EML5: variants seen among roughly 807,000 people sequenced by gnomAD.
The protein encoded by EML5 is echinoderm microtubule-associated protein-like 5.
Under a neutral mutation model 250.0 loss-of-function variants are expected in EML5, and 120 were observed. The observed-to-expected ratio is 0.48, with a 90% confidence interval of 0.41 to 0.56. The LOEUF is 0.56. EML5 is among the 20% of genes least tolerant of loss of function. The probability of loss-of-function intolerance (pLI) is 0.00; values close to 1 mark genes in which losing one functional copy is unlikely to be tolerated. For missense variants in EML5, 2,006 were observed against 2,437.6 expected (o/e 0.82, Z 3.73); for synonymous variants, 771 against 806.5 (o/e 0.96, Z 0.75).
chr14:88,658,190 C>A lies in EML5; in HGVS notation c.3874G>T (p.Gly1292Trp). 1 of 1,613,612 alleles carries A rather than the reference C, an allele frequency of 6.2e-7. No individual in the cohort carries two copies. The highest frequency in any genetic ancestry group is 8.5e-7 in the Non-Finnish European group (1 of 1,179,704). The change falls in exon 26 of 44, where the codon GGG (glycine) becomes TGG (tryptophan). Residue 1292 changes from glycine to tryptophan, a missense_variant. Physicochemically the swap from Gly to Trp is radical, Grantham distance 184. Coordinates refer to ENST00000554922, the MANE Select transcript of EML5 (RefSeq NM_183387.3). ...EESDIDSEED[G>W]GYDSDVTREN... ...CAAGTATTATAAAATGACGTACCCCCATCTTCTTCAGAATCAATGTCGGAT... is the reference window on the plus strand; with the variant it reads ...CAAGTATTATAAAATGACGTACCCCAATCTTCTTCAGAATCAATGTCGGAT...
At chr14:88,735,733 T>G (rs2093829108) in intron 7 of EML5, among the ~76,000 whole-genome samples, 1 of 152,178 alleles carries the variant, frequency 6.6e-6, no homozygotes, top group Non-Finnish European at 1.5e-5. Context: ...CTGCAAGCCC[T>G]GTATTTCTAA....
chr14:88,675,575 G>C (rs2092575730), intron 21 of EML5, among the ~76,000 whole-genome samples: 1 of 152,156 alleles, frequency 6.6e-6, no homozygotes, highest in Non-Finnish European at 1.5e-5. Context: ...GTGATGGGAG[G>C]GGCTGCCGTG....
intron 4 of EML5, 63 bp downstream of exon 4, chr14:88,743,960 G>T: frequency 9.0e-7 from 1 of 1,110,712 alleles, no homozygotes; most frequent in Non-Finnish European, 1.3e-6. Flanking sequence ...TGTTAACAGT[G>T]CAATATATAC....
intron 27 of EML5, 88 bp from the exon 28 acceptor site, chr14:88,650,014 G>A: frequency 5.6e-6 from 5 of 885,890 alleles, no homozygotes; most frequent in South Asian, 6.3e-5. Flanking sequence ...ACAGAAGAAA[G>A]GCAACATGTC....
At chr14:88,783,528 A>G (rs1476135210) in intron 1 of EML5, among the ~76,000 whole-genome samples, 2 of 152,364 alleles carry the variant, frequency 1.3e-5, no homozygotes, top group South Asian at 2.1e-4. Context: ...AGCTATATTT[A>G]TACCAGAAAA....
rs1451882120 is a variant in EML5 at position 88,644,487 on chromosome 14, TG to T, written c.4052del (p.Pro1351HisfsTer11). 1 of 1,613,772 alleles carries T rather than the reference TG, an allele frequency of 6.2e-7. No homozygotes were observed. Among genetic ancestry groups the T allele is most frequent in the Non-Finnish European group, 8.5e-7 (1 of 1,179,794 alleles). On this transcript the variant is annotated frameshift_variant, in exon 30 of 44. Transcript: ENST00000554922. LOFTEE classifies it high-confidence loss of function. ...TGTTTGTCTGGAGTTTCTCTGGCTG[TG>T]GTGGGGCCCTGCTCACTGGAGGCCT... ...GSRPPVSRAP[P>X]QPEKLQTNNV...
chr14:88,634,581 A>C, intron 32 of EML5, 92 bp from the exon 33 acceptor site: 5 of 712,928 alleles, frequency 7.0e-6, no homozygotes, highest in Non-Finnish European at 1.1e-5. Context: ...AAACTATTAT[A>C]TACAAAATTG....
In EML5 at chr14:88,642,884, G is replaced by A. The variant is rs746479453; in HGVS notation, c.4237+9C>T. On this transcript the variant is annotated intron_variant, in intron 31 of 43. Transcript: ENST00000554922. ...ATTGATAGAGGGATGGAGAATCAGG[G>A]TTTCCTACCTGTAGCAACATTGTGC... is the stretch of plus-strand genomic sequence containing the variant. The A allele has an allele frequency of 2.5e-6, 4 of 1,595,958 alleles. No individual in the cohort carries two copies. In the Admixed American group the frequency reaches 7.2e-5, roughly 29 times the overall value.
intron 25 of EML5, among the ~76,000 whole-genome samples, chr14:88,660,449 A>G (rs1216019054): frequency 1.3e-5 from 2 of 152,138 alleles, no homozygotes; most frequent in Non-Finnish European, 2.9e-5. Flanking sequence ...GTAGAATGCC[A>G]AAGAATCTGT....
intron 10 of EML5, among the ~76,000 whole-genome samples, chr14:88,710,757 G>C (rs2093391652): frequency 1.3e-5 from 2 of 151,776 alleles, no homozygotes; most frequent in African/African-American, 4.8e-5. Context: ...CTAACAAATG[G>C]GAAACAAAAA....
intron 17 of EML5, among the ~76,000 whole-genome samples, chr14:88,690,837 G>A (rs1395860450): frequency 1.3e-5 from 2 of 152,198 alleles, no homozygotes; most frequent in African/African-American, 2.4e-5. Context: ...ACAAATGGAA[G>A]AACTGGCCTT....
chr14:88,780,332 AAC>A (rs760359249), intron 1 of EML5, among the ~76,000 whole-genome samples: 1 of 152,142 alleles, frequency 6.6e-6, no homozygotes, highest in Non-Finnish European at 1.5e-5. Context: ...TTGTATAGCA[AAC>A]AGACTTGAAA....
chr14:88,776,222 G>A (rs2094445970), intron 1 of EML5, among the ~76,000 whole-genome samples: 1 of 152,096 alleles, frequency 6.6e-6, no homozygotes, highest in South Asian at 2.1e-4. Flanking sequence ...ATATCTACTA[G>A]CATCAACACC....
chr14:88,672,853 C>A (rs1390814202), intron 21 of EML5, among the ~76,000 whole-genome samples: 1 of 152,082 alleles, frequency 6.6e-6, no homozygotes, highest in Non-Finnish European at 1.5e-5. Flanking sequence ...AGTTGAATCC[C>A]TGAATAGACC....
At chr14:88,624,912 G>A in intron 36 of EML5, 58 bp downstream of exon 36, 1 of 1,579,830 alleles carries the variant, frequency 6.3e-7, no homozygotes, top group Admixed American at 1.8e-5. Flanking sequence ...ATAATTAACT[G>A]CAAACCTCAG....
chr14:88,757,321 T>C (rs1183450070), intron 1 of EML5, among the ~76,000 whole-genome samples: 3 of 152,096 alleles, frequency 2.0e-5, no homozygotes, highest in South Asian at 2.1e-4. Context: ...CATATACAAA[T>C]GTCAACTCAA....
At position 88,695,301 on chromosome 14, in the gene EML5, T is replaced by A. The variant is rs1407910792; in HGVS notation, c.2438+60A>T. On this transcript the variant is annotated intron_variant, in intron 16 of 43. Coordinates refer to ENST00000554922, the MANE Select transcript of EML5 (RefSeq NM_183387.3). ...TTTCAAAATTCTTTTAATTAAAAAT[T>A]TTTTTAAGTCCAAAGTAATTCTAGT... 3 of 1,386,764 alleles carry A rather than the reference T, an allele frequency of 2.2e-6. No individual in the cohort carries two copies. In the Admixed American group the frequency reaches 7.7e-5, roughly 36 times the overall value. The allele number at this position is 1,386,764 out of a possible 1,614,324, so 85.9% of individuals were successfully genotyped here.
chr14:88,703,708 T>C (rs2093262762), intron 13 of EML5, among the ~76,000 whole-genome samples: 1 of 152,208 alleles, frequency 6.6e-6, no homozygotes, highest in South Asian at 2.1e-4. Context: ...AATCTGTTTC[T>C]GCCAAGCTGA....
intron 43 of EML5, 64 bp from the exon 44 acceptor site, chr14:88,615,918 T>TTA: frequency 1.3e-6 from 2 of 1,542,726 alleles, no homozygotes; most frequent in East Asian, 2.3e-5. Flanking sequence ...AACAGTTTAA[T>TTA]ATTTTTCAGT....
Sources: allele counts gnomAD v4.1 joint callset (sites outside exome capture counted in the v4.1 genomes callset), GRCh38; gene constraint gnomAD v4.1.1; transcripts MANE v1.5; gene names NCBI Gene and HGNC (gene_info 2026-07-23, HGNC 2026-07-21).